UBL7: variants seen among roughly 807,000 people sequenced by gnomAD.
UBL7 encodes the protein ubiquitin like 7.
A neutral mutation model predicts 41.7 loss-of-function variants in UBL7; 21 were observed. That is an observed-to-expected ratio of 0.50 (90% CI 0.36 to 0.73). The LOEUF is 0.73. UBL7 is among the 30% of genes least tolerant of loss of function. The pLI is 0.00. For missense variants in UBL7, 403 were observed against 478.4 expected, an observed-to-expected ratio of 0.84 and a Z score of 1.47; for synonymous variants, 157 against 186.9, an observed-to-expected ratio of 0.84 and a Z score of 1.31.
rs574239475 is a variant in UBL7, at chr15:74,453,886, C to T, written c.305-1508G>A. On this transcript the variant is annotated intron_variant, in intron 3 of 10. Transcript: ENST00000395081. ...AGATCTAAAAGTTTATTGTAACCTT[C>T]CAATAAAAAGGTCATTTGTTTCAAA... 1.1e-4 allele frequency among the ~76,000 whole-genome samples: 16 copies of T among 152,304 alleles called. No homozygotes were observed. The South Asian group carries it at 3.3e-3, about 32-fold the overall frequency.
chr15:74,448,557 G>A lies in UBL7; in HGVS notation c.926C>T (p.Ser309Leu). 1 of 1,614,100 alleles carries A rather than the reference G, an allele frequency of 6.2e-7. No individual in the cohort carries two copies. The highest frequency in any genetic ancestry group is 8.5e-7 in the Non-Finnish European group (1 of 1,179,982). ...GTSPMSSGVQ[S>L]GTPITNDLFS... Reference sequence around the variant, plus strand: ...GAGATCATTGGTGATGGGCGTCCCTGACTGGACACCAGAGGACATTGGTGA... The same window carrying A: ...GAGATCATTGGTGATGGGCGTCCCTAACTGGACACCAGAGGACATTGGTGA... Residue 309 changes from serine (S) to leucine (L), a missense_variant, in exon 10 of 11, where the codon TCA becomes TTA. By Grantham distance (145) the Ser-to-Leu change is moderately radical (BLOSUM62 -2). Transcript: ENST00000395081.
intron 2 of UBL7, among the ~76,000 whole-genome samples, chr15:74,458,018 A>G (rs1346574530): frequency 2.0e-5 from 3 of 152,232 alleles, no homozygotes; most frequent in Non-Finnish European, 4.4e-5. Context: ...TACTCAGTCA[A>G]CCAAGCAAAA....
At position 74,460,727 on chromosome 15, in the gene UBL7, AAAGC is replaced by A. The variant is rs1238396623; in HGVS notation, c.-30+306_-30+309del. ...AACTCTGACGGCGGAAGAATCTTGC[AAAGC>A]AAGATAAGTTCTTGTTATAGTCATC... On this transcript the variant is annotated intron_variant, in intron 1 of 10. Transcript: ENST00000395081. 2.9e-5 allele frequency: 37 copies of A among 1,289,012 alleles called. No homozygotes were observed. The Admixed American group carries it at 8.1e-4, about 28-fold the overall frequency. 79.8% of individuals were successfully genotyped at this position (1,289,012 alleles called of 1,614,324 possible).
Position 74,449,612 on chromosome 15 carries a change from G to C in UBL7, c.714+14C>G. 1 of 1,614,082 alleles carries C rather than the reference G, an allele frequency of 6.2e-7. No homozygotes were observed. Among genetic ancestry groups the C allele is most frequent in the Non-Finnish European group, 8.5e-7 (1 of 1,179,998 alleles). On this transcript the variant is annotated intron_variant, in intron 8 of 10. Coordinates refer to ENST00000395081, the MANE Select transcript of UBL7 (RefSeq NM_032907.5). The stretch of plus-strand genomic sequence containing the variant: ...CACATGTCAGCATGTCAGGCAGGCA[G>C]GCAGGCCACTTACTGGGTGAAAGTC...
intron 1 of UBL7, 176 bp from the exon 2 acceptor site, chr15:74,459,072 G>T: frequency 1.7e-6 from 1 of 600,682 alleles, no homozygotes; most frequent in Non-Finnish European, 2.9e-6. Context: ...ATACTGTGAT[G>T]GACAGCTCTC....
intron 1 of UBL7, chr15:74,460,783 T>G (rs1050941183): frequency 7.9e-7 from 1 of 1,269,680 alleles, no homozygotes; most frequent in African/African-American, 1.6e-5. Context: ...AGACCTCTGA[T>G]AGAGAAGAGG....
chr15:74,458,939 A>C (rs1277158421), intron 1 of UBL7, 43 bp from the exon 2 acceptor site: 1 of 1,562,844 alleles, frequency 6.4e-7, no homozygotes, highest in Non-Finnish European at 8.7e-7. Flanking sequence ...ACAGACCACC[A>C]CTCTACTCCA....
intron 1 of UBL7, 109 bp downstream of exon 1, chr15:74,460,928 G>T: frequency 8.7e-7 from 1 of 1,148,460 alleles, no homozygotes; most frequent in Non-Finnish European, 1.1e-6. Flanking sequence ...CCTAAGGCAG[G>T]CATTAGCCAC....
At chr15:74,458,631 C>T (rs1567093058) in intron 2 of UBL7, 53 bp downstream of exon 2, 1 of 1,491,748 alleles carries the variant, frequency 6.7e-7, no homozygotes. Context: ...CAGAAGTATC[C>T]TCCCCCAAAA....
At position 74,454,577 on chromosome 15, in the gene UBL7, T is replaced by C. The variant is rs191864501; in HGVS notation, c.304+1975A>G. On this transcript the variant is annotated intron_variant, in intron 3 of 10. Coordinates refer to ENST00000395081, the MANE Select transcript of UBL7 (RefSeq NM_032907.5). ...CCATGCCTGGCTAATTTTGTATTTT[T>C]AGTATAGACGGGGTTTCTCCATGTT... 8.2e-3 allele frequency among the ~76,000 whole-genome samples: 1,246 copies of C among 152,278 alleles called. 7 individuals carry two copies. Among genetic ancestry groups the C allele is most frequent in the Middle Eastern group, 0.031 (9 of 294 alleles).
chr15:74,452,356 G>A lies in UBL7; in HGVS notation c.327C>T (p.Ala109=), dbSNP rs564458138. ...QKPEPVDKVA[A]MREFRVLHTA... ...TGTGCAACACCCGGAACTCTCTCAT[G>A]GCAGCCACTTTGTCCACAGGTTCTG... Residue 109 remains alanine, a synonymous_variant, in exon 4 of 11, where the codon GCC becomes GCT. Transcript: ENST00000395081. 3 of 1,560,436 alleles carry A rather than the reference G, an allele frequency of 1.9e-6. No individual in the cohort carries two copies. In the South Asian group the frequency reaches 3.5e-5, roughly 18 times the overall value.
chr15:74,450,014 C>T lies in UBL7; in HGVS notation c.586G>A (p.Val196Ile), dbSNP rs1370955772. 5 of 1,613,674 alleles carry T rather than the reference C, an allele frequency of 3.1e-6. No homozygotes were observed. Among genetic ancestry groups the T allele is most frequent in the African/African-American group, 1.3e-5 (1 of 75,028 alleles). ...CCAGGCATTGGGGCACTGCCTGCTA[C>T]GGAGTGCAGAACCAGGACAATGGCA... Reference protein sequence around the residue: ...VNAIVLVLHSVAGSAPMPGTD... With the variant: ...VNAIVLVLHSIAGSAPMPGTD... Residue 196 changes from valine (V) to isoleucine (I), a missense_variant, in exon 7 of 11, where the codon GTA (valine) becomes ATA (isoleucine). Transcript: ENST00000395081.
At chr15:74,456,190 C>T (rs2061292635) in intron 3 of UBL7, among the ~76,000 whole-genome samples, 2 of 150,024 alleles carry the variant, frequency 1.3e-5, no homozygotes, top group Admixed American at 6.6e-5. Flanking sequence ...CCCAGCTACT[C>T]GGGAGGCTGA....
rs777629498 is a variant in UBL7 at position 74,451,404 on chromosome 15, T to C, written c.472+32A>G. ...TCCTGTTTTCTCCTTTTCCGACAAC[T>C]CCTATTTCCTCAAATTCAGTCCTGC... is the stretch of plus-strand genomic sequence containing the variant. On this transcript the variant is annotated intron_variant, in intron 5 of 10. Coordinates refer to ENST00000395081, the MANE Select transcript of UBL7 (RefSeq NM_032907.5). 3 of 1,585,788 alleles carry C rather than the reference T, an allele frequency of 1.9e-6. No homozygotes were observed. The South Asian group carries it at 3.3e-5, about 18-fold the overall frequency.
chr15:74,460,486 A>G (rs1167537228), intron 1 of UBL7, among the ~76,000 whole-genome samples: 1 of 152,006 alleles, frequency 6.6e-6, no homozygotes, highest in Non-Finnish European at 1.5e-5. Context: ...TTGGCCTTTT[A>G]GCAAACTCCT....
chr15:74,452,358 C>A lies in UBL7; in HGVS notation c.325G>T (p.Ala109Ser). 1 of 1,560,364 alleles carries A rather than the reference C, an allele frequency of 6.4e-7. No homozygotes were observed. The highest frequency in any genetic ancestry group is 2.4e-5 in the East Asian group (1 of 42,230). Residue 109 changes from alanine to serine, a missense_variant, in exon 4 of 11, where the codon GCC (alanine) becomes TCC (serine). Transcript: ENST00000395081. Reference sequence around the variant, plus strand: ...TGCAACACCCGGAACTCTCTCATGGCAGCCACTTTGTCCACAGGTTCTGGG... The same window carrying A: ...TGCAACACCCGGAACTCTCTCATGGAAGCCACTTTGTCCACAGGTTCTGGG... ...QKPEPVDKVA[A>S]MREFRVLHTA... is the part of the protein sequence containing the mutation.
At position 74,452,335 on chromosome 15, in the gene UBL7, C is replaced by T. The variant is rs1289927488; in HGVS notation, c.348G>A (p.Leu116=). The change falls in exon 4 of 11, where the codon TTG becomes TTA. Residue 116 remains leucine (L), a synonymous_variant. Coordinates refer to ENST00000395081, the MANE Select transcript of UBL7 (RefSeq NM_032907.5). The part of the protein sequence containing the change: ...KVAAMREFRV[L]HTALHSSSSY... ...AGGAGCTGCTGTGCAGGGCAGTGTG[C>T]AACACCCGGAACTCTCTCATGGCAG... 1.3e-6 allele frequency: 2 copies of T among 1,561,278 alleles called. No homozygotes were observed. The highest frequency in any genetic ancestry group is 3.8e-5 in the Admixed American group (2 of 52,350).
At chr15:74,459,739 G>T (rs1363686352) in intron 1 of UBL7, among the ~76,000 whole-genome samples, 1 of 151,296 alleles carries the variant, frequency 6.6e-6, no homozygotes, top group South Asian at 2.1e-4. Flanking sequence ...GCCTAGGCGG[G>T]CGGATTGCCT....
intron 6 of UBL7, 145 bp from the exon 7 acceptor site, chr15:74,450,214 A>AGAT: frequency 9.4e-7 from 1 of 1,061,838 alleles, no homozygotes; most frequent in Non-Finnish European, 1.3e-6. Flanking sequence ...TCCACCAGGA[A>AGAT]GCTTTATCCT....
Sources: allele counts gnomAD v4.1 joint callset (sites outside exome capture counted in the v4.1 genomes callset), GRCh38; gene constraint gnomAD v4.1.1; transcripts MANE v1.5; gene names NCBI Gene and HGNC (gene_info 2026-07-23, HGNC 2026-07-21).